AGA: variants seen among roughly 807,000 people sequenced by gnomAD.
AGA encodes the protein aspartylglucosaminidase.
A neutral mutation model predicts 40.1 loss-of-function variants in AGA; 31 were observed. The observed-to-expected ratio is 0.77, with a 90% confidence interval of 0.58 to 1.04. AGA has a LOEUF of 1.04. Among genes scored for constraint, AGA ranks in the 50% least tolerant of loss-of-function variants. The pLI, the probability that AGA is intolerant of heterozygous loss-of-function variation, is 0.00. For missense variants in AGA, 445 were observed against 435.4 expected, an observed-to-expected ratio of 1.02 and a Z score of -0.20; for synonymous variants, 148 against 144.0, an observed-to-expected ratio of 1.03 and a Z score of -0.20.
rs1391434330 is a variant in AGA at position 177,433,273 on chromosome 4, T to G, written c.881A>C (p.Gln294Pro). ...CCCAAAGAATTCTGGAAAATGCTTCTGGATTCTTGAAATCACTTTTTGGCA... is the reference window on the plus strand; with the variant it reads ...CCCAAAGAATTCTGGAAAATGCTTCGGGATTCTTGAAATCACTTTTTGGCA... ...IACQKVISRI[Q>P]KHFPEFFGAV... is the part of the protein sequence containing the mutation. Residue 294 changes from glutamine (Q) to proline (P), a missense_variant, in exon 8 of 9, where the codon CAG becomes CCG. Physicochemically the swap from Gln to Pro is moderately conservative, Grantham distance 76. Transcript: ENST00000264595. 1 of 1,614,138 alleles carries G rather than the reference T, an allele frequency of 6.2e-7. No homozygotes were observed. Among genetic ancestry groups the G allele is most frequent in the Non-Finnish European group, 8.5e-7 (1 of 1,179,994 alleles).
intron 1 of AGA, among the ~76,000 whole-genome samples, chr4:177,440,839 T>C (rs951816585): frequency 2.6e-5 from 4 of 152,232 alleles, no homozygotes; most frequent in Admixed American, 6.5e-5. Context: ...ATAATTGATA[T>C]GTGTATTGAG....
intron 7 of AGA, 47 bp from the exon 8 acceptor site, chr4:177,433,394 A>G: frequency 6.2e-7 from 1 of 1,612,244 alleles, no homozygotes; most frequent in Non-Finnish European, 8.5e-7. Context: ...ATAAATACTA[A>G]CTCCAAATTG....
At chr4:177,440,121 TGAG>T in intron 2 of AGA, 149 bp downstream of exon 2, 3 of 920,260 alleles carry the variant, frequency 3.3e-6, no homozygotes, top group Admixed American at 4.1e-5. Context: ...TTTTTTCAGT[TGAG>T]AGGGAAACTG....
chr4:177,432,330 C>A (rs1342417067), intron 8 of AGA, among the ~76,000 whole-genome samples: 1 of 152,198 alleles, frequency 6.6e-6, no homozygotes, highest in East Asian at 1.9e-4. Context: ...ATAGAAGAAA[C>A]TAGTCACCTG....
rs3749477 is a variant in AGA at position 177,431,392 on chromosome 4, T to C, written c.*316A>G. The C allele has an allele frequency of 4.6e-6, 2 of 434,368 alleles. No homozygotes were observed. The highest frequency in any genetic ancestry group is 1.3e-4 in the East Asian group (2 of 15,962). 26.9% of individuals were successfully genotyped at this position (434,368 alleles called of 1,614,324 possible). On this transcript the variant is annotated 3_prime_UTR_variant, in exon 9 of 9. Transcript: ENST00000264595. ...ATGATGATTCCTTTTGGGTTTAATATATCACTGTGGAAATAAATCTCAAAG... is the reference window on the plus strand; with the variant it reads ...ATGATGATTCCTTTTGGGTTTAATACATCACTGTGGAAATAAATCTCAAAG...
At chr4:177,436,219 T>A (rs769278659) in intron 6 of AGA, 57 bp downstream of exon 6, 3 of 1,414,726 alleles carry the variant, frequency 2.1e-6, no homozygotes, top group Non-Finnish European at 3.0e-6. Context: ...GCACCCGGCA[T>A]ATATTGCTCT....
At chr4:177,440,455 TTATATA>T in intron 1 of AGA, 29 bp from the exon 2 acceptor site, 1 of 1,601,462 alleles carries the variant, frequency 6.2e-7, no homozygotes, top group Non-Finnish European at 8.5e-7. Context: ...TAATGCTTGT[TTATATA>T]TATATTTTTT....
chr4:177,435,901 C>G (rs1736799584), intron 6 of AGA, among the ~76,000 whole-genome samples: 1 of 151,572 alleles, frequency 6.6e-6, no homozygotes, highest in Non-Finnish European at 1.5e-5. Context: ...AGTGGGAGTT[C>G]TGAACACATG....
intron 6 of AGA, 81 bp downstream of exon 6, chr4:177,436,195 T>C (rs1183884524): frequency 3.4e-6 from 4 of 1,179,296 alleles, no homozygotes; most frequent in Non-Finnish European, 5.1e-6. Context: ...GGGCTGTGCT[T>C]TGCAACCCCC....
Position 177,433,325 on chromosome 4 carries a change from T to C in AGA, c.829A>G (p.Arg277Gly). Residue 277 changes from arginine to glycine, a missense_variant, in exon 8 of 9, where the codon AGA (arginine) becomes GGA (glycine). Coordinates refer to ENST00000264595, the MANE Select transcript of AGA (RefSeq NM_000027.4). ...LPSYQAVEYM[R>G]RGEDPTIACQ... ...GCTATGGTTGGATCTTCTCCTCTTC[T>C]CATGTATTCTACAGCTTGGTAGCTG... The C allele has an allele frequency of 6.2e-7, 1 of 1,614,066 alleles. No individual in the cohort carries two copies. Among genetic ancestry groups the C allele is most frequent in the Non-Finnish European group, 8.5e-7 (1 of 1,179,972 alleles).
Position 177,436,296 on chromosome 4 carries a change from AC to A in AGA, c.677del (p.Gly226ValfsTer2). On this transcript the variant is annotated frameshift_variant, in exon 6 of 9. Coordinates refer to ENST00000264595, the MANE Select transcript of AGA (RefSeq NM_000027.4). LOFTEE classifies it high-confidence loss of function. ...GHIAAGTSTN[G>X]IKFKIHGRVG... Reference sequence around the variant, plus strand: ...CTAACCCATGTATTTTGAATTTTATACCATTTGTAGATGTACCAGCAGCAAT... The same window carrying A: ...CTAACCCATGTATTTTGAATTTTATACATTTGTAGATGTACCAGCAGCAAT... 6.2e-7 allele frequency: 1 copy of A among 1,613,078 alleles called. No homozygotes were observed. The highest frequency in any genetic ancestry group is 8.5e-7 in the Non-Finnish European group (1 of 1,179,310).
At chr4:177,436,387 T>A in intron 5 of AGA, 36 bp from the exon 6 acceptor site, 4 of 1,552,724 alleles carry the variant, frequency 2.6e-6, no homozygotes, top group African/African-American at 1.4e-5. Flanking sequence ...TGTAGGTGTA[T>A]AAAGTTTACC....
intron 6 of AGA, among the ~76,000 whole-genome samples, chr4:177,435,786 G>A (rs949324181): frequency 9.6e-5 from 14 of 146,430 alleles, no homozygotes; most frequent in Non-Finnish European, 1.5e-4. Flanking sequence ...AGCCCTGAGC[G>A]TGCACGCACA....
At chr4:177,439,526 A>C (rs1176219535) in intron 3 of AGA, 50 bp downstream of exon 3, 13 of 1,320,470 alleles carry the variant, frequency 9.8e-6, no homozygotes, top group Non-Finnish European at 1.4e-5. Flanking sequence ...TTTTCAGTGA[A>C]AACTATAGTC....
At chr4:177,435,424 T>C (rs1343845765) in intron 6 of AGA, among the ~76,000 whole-genome samples, 1 of 152,176 alleles carries the variant, frequency 6.6e-6, no homozygotes, top group East Asian at 1.9e-4. Flanking sequence ...TGGCACAGAT[T>C]TACAGTGACT....
intron 1 of AGA, among the ~76,000 whole-genome samples, chr4:177,440,634 A>G (rs1347726391): frequency 6.7e-6 from 1 of 150,108 alleles, no homozygotes; most frequent in African/African-American, 2.5e-5. Flanking sequence ...AAAACTGGCT[A>G]TTGGTGCAAG....
At chr4:177,439,810 T>A in intron 2 of AGA, 122 bp from the exon 3 acceptor site, 1 of 796,058 alleles carries the variant, frequency 1.3e-6, no homozygotes, top group Non-Finnish European at 2.2e-6. Context: ...AACACAGAAG[T>A]GACAGCACAT....
Position 177,430,937 on chromosome 4 carries a change from G to A in AGA, c.*771C>T. 1 of 454,004 alleles carries A rather than the reference G, an allele frequency of 2.2e-6. No individual in the cohort carries two copies. Among genetic ancestry groups the A allele is most frequent in the Non-Finnish European group, 4.4e-6 (1 of 226,766 alleles). 28.1% of individuals were successfully genotyped at this position (454,004 alleles called of 1,614,324 possible). ...AACCAAGCTAAACAACCCATTTCTT[G>A]ACTTCTAATTGCCATACCCACCTCT... On this transcript the variant is annotated 3_prime_UTR_variant, in exon 9 of 9. Coordinates refer to ENST00000264595, the MANE Select transcript of AGA (RefSeq NM_000027.4).
chr4:177,436,337 G>A lies in AGA; in HGVS notation c.637C>T (p.His213Tyr). ...GHDTIGMVVI[H>Y]KTGHIAAGTS... ...CCAGCAGCAATATGTCCTGTCTTAT[G>A]GATTACAACCATGCCTAGAAGTTAA... Residue 213 changes from histidine (H) to tyrosine (Y), a missense_variant, in exon 6 of 9, where the codon CAT (histidine) becomes TAT (tyrosine). Physicochemically the swap from His to Tyr is moderately conservative, Grantham distance 83. Transcript: ENST00000264595. 2 of 1,612,880 alleles carry A rather than the reference G, an allele frequency of 1.2e-6. No homozygotes were observed. The highest frequency in any genetic ancestry group is 1.7e-6 in the Non-Finnish European group (2 of 1,179,500).
Sources: allele counts gnomAD v4.1 joint callset (sites outside exome capture counted in the v4.1 genomes callset), GRCh38; gene constraint gnomAD v4.1.1; transcripts MANE v1.5; gene names NCBI Gene and HGNC (gene_info 2026-07-23, HGNC 2026-07-21).